TLE6: variants seen among roughly 807,000 people sequenced by gnomAD.
TLE6 encodes TLE family member 6, subcortical maternal complex member.
In TLE6, 72 loss-of-function variants were observed where a neutral mutation model predicts 77.1. The observed-to-expected ratio is 0.93, with a 90% CI of 0.77 to 1.14. The LOEUF (loss-of-function observed/expected upper bound fraction) is 1.14. Ranked by LOEUF, TLE6 falls within the 50% of genes most tolerant of loss-of-function variation. The pLI, the probability that TLE6 is intolerant of heterozygous loss-of-function variation, is 0.00. For synonymous variants in TLE6, 366 were observed against 287.3 expected, an observed-to-expected ratio of 1.27 and a Z score of -2.77; for missense variants, 843 against 747.6, an observed-to-expected ratio of 1.13 and a Z score of -1.49.
chr19:2,986,841 T>G lies in TLE6; in HGVS notation c.235T>G (p.Leu79Val). ...AACCTCCTTCTAGATAGGAAACGTC[T>G]TACAGATTGTGGAGAGCTGCAGCCA... ...AEHHKQIGNV[L>V]QIVESCSQLQ... Residue 79 changes from leucine to valine, a missense_variant, in exon 6 of 17, where the codon TTA (leucine) becomes GTA (valine). Transcript: ENST00000246112. 1 of 1,551,732 alleles carries G rather than the reference T, an allele frequency of 6.4e-7. No individual in the cohort carries two copies. The highest frequency in any genetic ancestry group is 1.2e-5 in the South Asian group (1 of 84,070).
intron 1 of TLE6, among the ~76,000 whole-genome samples, 160 bp downstream of exon 1, chr19:2,977,770 G>A (rs926003027): frequency 3.3e-5 from 5 of 152,132 alleles, no homozygotes; most frequent in Non-Finnish European, 7.4e-5. Context: ...CGTTTCTTCT[G>A]TCTGATGAAT....
chr19:2,994,953 CGTT>C lies in TLE6; in HGVS notation c.1671_1673del (p.Val558del), dbSNP rs757923324. ...GTGACGTCTCTTCCAACAACCGCCT[CGTT>C]GTCACAGGCTCCGGGGAGCACGCCT... On this transcript the variant is annotated inframe_deletion, in exon 17 of 17. Coordinates refer to ENST00000246112, the MANE Select transcript of TLE6 (RefSeq NM_001143986.2). 12 of 1,609,460 alleles carry C rather than the reference CGTT, an allele frequency of 7.5e-6. No homozygotes were observed. Among genetic ancestry groups the C allele is most frequent in the Non-Finnish European group, 8.5e-6 (10 of 1,178,324 alleles).
chr19:2,989,497 C>CG (rs771853706), intron 12 of TLE6, 38 bp from the exon 13 acceptor site: 168 of 1,590,552 alleles, frequency 1.1e-4, no homozygotes, highest in African/African-American at 4.4e-4. Flanking sequence ...CAGAATGCCA[C>CG]GGGGGGCGAC....
At chr19:2,982,061 G>A (rs2088809057) in intron 4 of TLE6, 87 bp from the exon 5 acceptor site, 11 of 1,395,728 alleles carry the variant, frequency 7.9e-6, no homozygotes, top group Non-Finnish European at 9.9e-6. Context: ...GGGAGTAGGG[G>A]CCAGAGAGGT....
At chr19:2,989,925 C>G (rs1273108748) in intron 13 of TLE6, 140 bp downstream of exon 13, 8 of 1,200,748 alleles carry the variant, frequency 6.7e-6, no homozygotes, top group Non-Finnish European at 9.3e-6. Context: ...GCCAAAACCC[C>G]TTGCCCCCTT....
chr19:2,989,139 C>T lies in TLE6; in HGVS notation c.819C>T (p.Val273=). The T allele has an allele frequency of 6.2e-7, 1 of 1,614,150 alleles. No homozygotes were observed. Among genetic ancestry groups the T allele is most frequent in the Non-Finnish European group, 8.5e-7 (1 of 1,180,050 alleles). The change falls in exon 12 of 17, where the codon GTC becomes GTT. Residue 273 remains valine, a synonymous_variant. Coordinates refer to ENST00000246112, the MANE Select transcript of TLE6 (RefSeq NM_001143986.2). The part of the protein sequence containing the change: ...ALPGQSKRLA[V]PCKLEKMRIL... ...CCGGGCAGTCAAAGAGACTCGCCGT[C>T]CCGTGCAAACTGGAAAAGATGCGGA...
chr19:2,992,412 T>C (rs1207438868), intron 14 of TLE6, among the ~76,000 whole-genome samples: 1 of 151,696 alleles, frequency 6.6e-6, no homozygotes, highest in African/African-American at 2.4e-5. Context: ...GTGGAGGTTG[T>C]GGTGAGCCGA....
intron 13 of TLE6, among the ~76,000 whole-genome samples, chr19:2,991,425 C>CACACACACACACACACACAT (rs1300185737): frequency 5.9e-5 from 8 of 135,550 alleles, no homozygotes; most frequent in African/African-American, 2.0e-4. Context: ...CACACACACA[C>CACACACACACACACACACAT]ATATATATAA....
chr19:2,987,663 C>T (rs775757356), intron 8 of TLE6, 61 bp from the exon 9 acceptor site: 27 of 1,587,296 alleles, frequency 1.7e-5, no homozygotes, highest in Middle Eastern at 1.7e-4. Context: ...CCCAGGAATC[C>T]GAGGTCTTCT....
intron 4 of TLE6, 86 bp from the exon 5 acceptor site, chr19:2,982,062 C>A: frequency 7.1e-7 from 1 of 1,402,044 alleles, no homozygotes; most frequent in Non-Finnish European, 9.9e-7. Flanking sequence ...GGAGTAGGGG[C>A]CAGAGAGGTA....
At chr19:2,984,836 A>C (rs2088875057) in intron 5 of TLE6, among the ~76,000 whole-genome samples, 6 of 152,132 alleles carry the variant, frequency 3.9e-5, no homozygotes. Flanking sequence ...GTATTATTCC[A>C]ATTCTACTTG....
intron 5 of TLE6, among the ~76,000 whole-genome samples, chr19:2,984,805 C>T (rs998289740): frequency 5.9e-5 from 9 of 151,996 alleles, no homozygotes; most frequent in Non-Finnish European, 1.3e-4. Flanking sequence ...CTAGACATTC[C>T]ATATGCATGA....
Position 2,989,553 on chromosome 19 carries a change from C to T in TLE6, c.1012C>T (p.Arg338Cys), listed in dbSNP as rs760297974. The T allele has an allele frequency of 1.9e-5, 31 of 1,612,338 alleles. No individual in the cohort carries two copies. The highest frequency in any genetic ancestry group is 9.3e-5 in the African/African-American group (7 of 74,918). The change falls in exon 13 of 17, where the codon CGC becomes TGC. Residue 338 changes from arginine to cysteine, a missense_variant. By Grantham distance (180) the Arg-to-Cys change is radical (BLOSUM62 -3). Transcript: ENST00000246112. ...ATCCCAGACCCCTGGGGCCTTCCTG[C>T]GCACCTGCCTGCTGTCCTCAAACAG... ...LPIQTPGAFL[R>C]TCLLSSNSRS...
At position 2,980,098 on chromosome 19, in the gene TLE6, A is replaced by G. The variant is rs927145102; in HGVS notation, c.52-2A>G. On this transcript the variant is annotated splice_acceptor_variant, in intron 2 of 16. Coordinates refer to ENST00000246112, the MANE Select transcript of TLE6 (RefSeq NM_001143986.2). LOFTEE classifies it high-confidence loss of function. Reference sequence around the variant, plus strand: ...TATGTAACCTTGCTTTGACCTTTCCAGCCTTGTCCTGGGATCTCGAACTCT... The same window carrying G: ...TATGTAACCTTGCTTTGACCTTTCCGGCCTTGTCCTGGGATCTCGAACTCT... 1.9e-6 allele frequency: 3 copies of G among 1,550,028 alleles called. No individual in the cohort carries two copies. Among genetic ancestry groups the G allele is most frequent in the Non-Finnish European group, 2.6e-6 (3 of 1,145,994 alleles).
intron 5 of TLE6, among the ~76,000 whole-genome samples, chr19:2,983,561 C>T (rs1944608436): frequency 6.8e-6 from 1 of 147,390 alleles, no homozygotes; most frequent in South Asian, 2.1e-4. Flanking sequence ...AGGACGGTGC[C>T]TGTTGTGTTG....
rs189671430 is a variant in TLE6, at chr19:2,990,585, G to A, written c.1244+800G>A. Among the ~76,000 whole-genome samples the A allele has an allele frequency of 2.4e-3, 355 of 148,248 alleles. 3 individuals are homozygous for A. Among genetic ancestry groups the A allele is most frequent in the East Asian group, 0.016 (84 of 5,096 alleles). ...GTGCCACTGCGTTCCCAGCCTGGGC[G>A]ACAGAGCAAGACTCTGTCTCAAAAA... On this transcript the variant is annotated intron_variant, in intron 13 of 16. Coordinates refer to ENST00000246112, the MANE Select transcript of TLE6 (RefSeq NM_001143986.2).
intron 3 of TLE6, 46 bp downstream of exon 3, chr19:2,980,228 C>T (rs1173465709): frequency 6.7e-7 from 1 of 1,488,272 alleles, no homozygotes; most frequent in Non-Finnish European, 9.1e-7. Flanking sequence ...GGGAAGGAGC[C>T]CCACCTGGCC....
At position 2,989,625 on chromosome 19, in the gene TLE6, T is replaced by TGG; in HGVS notation, c.1086_1087dup (p.Asp363GlyfsTer10). 6.2e-7 allele frequency: 1 copy of TGG among 1,614,128 alleles called. No individual in the cohort carries two copies. The highest frequency in any genetic ancestry group is 8.5e-7 in the Non-Finnish European group (1 of 1,180,026). The stretch of plus-strand genomic sequence containing the variant: ...CTACAACCTGGCCAGCGTGAGCGTG[T>TGG]GGGACCTGGCGGCGCCCTCCCTGCA... On this transcript the variant is annotated frameshift_variant, in exon 13 of 17. Coordinates refer to ENST00000246112, the MANE Select transcript of TLE6 (RefSeq NM_001143986.2). LOFTEE classifies it high-confidence loss of function.
At chr19:2,979,489 T>G (rs1194593726) in intron 2 of TLE6, among the ~76,000 whole-genome samples, 2 of 151,786 alleles carry the variant, frequency 1.3e-5, no homozygotes, top group Non-Finnish European at 2.9e-5. Flanking sequence ...TCAGGTGTTC[T>G]GCTCACCTCG....
Sources: allele counts gnomAD v4.1 joint callset (sites outside exome capture counted in the v4.1 genomes callset), GRCh38; gene constraint gnomAD v4.1.1; transcripts MANE v1.5; gene names NCBI Gene and HGNC (gene_info 2026-07-23, HGNC 2026-07-21).